Variants in SLC31A2 observed in about 807,000 individuals in gnomAD.
SLC31A2 encodes the protein protein SLC31A2.
SLC31A2 carries 16 observed loss-of-function variants against 14.4 expected under a neutral mutation model. The ratio of observed to expected loss-of-function variants is 1.11; its 90% CI spans 0.75 to 1.69. SLC31A2 has a LOEUF of 1.69. Among genes scored for constraint, SLC31A2 ranks in the 40% most tolerant of loss-of-function variants. SLC31A2 has a pLI of 0.00. For missense variants in SLC31A2, 140 were observed against 173.9 expected (o/e 0.81, Z 1.10); for synonymous variants, 56 against 68.7 (o/e 0.82, Z 0.91).
chr9:113,159,988 A>G (rs1790868550), intron 2 of SLC31A2, among the ~76,000 whole-genome samples: 1 of 152,152 alleles, frequency 6.6e-6, no homozygotes, highest in African/African-American at 2.4e-5. Context: ...CAGCCTGACC[A>G]ACATGGTCAA....
intron 1 of SLC31A2, among the ~76,000 whole-genome samples, chr9:113,155,734 A>G (rs1481999259): frequency 1.3e-5 from 2 of 151,940 alleles, no homozygotes; most frequent in African/African-American, 4.8e-5. Context: ...TACTTCTCCC[A>G]TGGAACACTT....
At chr9:113,156,067 A>G (rs1004959648) in intron 1 of SLC31A2, 3 of 518,810 alleles carry the variant, frequency 5.8e-6, no homozygotes, top group Non-Finnish European at 1.2e-5. Flanking sequence ...CCAGGAGGCT[A>G]CAGGACACCC....
At position 113,151,177 on chromosome 9, in the gene SLC31A2, C is replaced by A; in HGVS notation, c.6+97C>A. ...CCCCGAATCCTCGCTGCCGCTGGCC[C>A]GGGGCTGGTGAAGGGTGTGTTGGCA... On this transcript the variant is annotated intron_variant, in intron 1 of 3. Coordinates refer to ENST00000259392, the MANE Select transcript of SLC31A2 (RefSeq NM_001860.3). This position sits in a 1 kb window ranked among gnomAD's most constrained non-coding sequence, Gnocchi z 4.2. 1.7e-6 allele frequency: 2 copies of A among 1,206,324 alleles called. No homozygotes were observed. The highest frequency in any genetic ancestry group is 2.1e-6 in the Non-Finnish European group (2 of 946,682). The allele number at this position is 1,206,324 out of a possible 1,614,324, so 74.7% of individuals were successfully genotyped here. A position where few individuals can be genotyped will look rare whatever the true frequency, so the allele number is the denominator to read the frequency against.
chr9:113,161,038 C>T (rs1395355470), intron 2 of SLC31A2: 1 of 152,692 alleles, frequency 6.5e-6, no homozygotes, highest in African/African-American at 2.4e-5. Flanking sequence ...TGGGTTTTTC[C>T]CCTATTATAA....
At position 113,161,682 on chromosome 9, in the gene SLC31A2, G is replaced by A; in HGVS notation, c.247G>A (p.Gly83Ser). ...TGCAGGCTCAGATTCATTCCCTGTT[G>A]GCAGAACCCACCACAGGTACAGGCA... ...DSAGSDSFPV[G>S]RTHHRWYLCH... The change falls in exon 3 of 4, where the codon GGC becomes AGC. Residue 83 changes from glycine (G) to serine (S), a missense_variant. By Grantham distance (56) the Gly-to-Ser change is moderately conservative. Coordinates refer to ENST00000259392, the MANE Select transcript of SLC31A2 (RefSeq NM_001860.3). 2.5e-6 allele frequency: 4 copies of A among 1,613,962 alleles called. No homozygotes were observed. Among genetic ancestry groups the A allele is most frequent in the Non-Finnish European group, 3.4e-6 (4 of 1,179,884 alleles).
At chr9:113,158,540 C>T (rs140956610) in intron 2 of SLC31A2, among the ~76,000 whole-genome samples, 9 of 152,248 alleles carry the variant, frequency 5.9e-5, no homozygotes, top group Non-Finnish European at 1.0e-4. Flanking sequence ...CAAACAGTGG[C>T]TGGAAGTAGG....
intron 1 of SLC31A2, among the ~76,000 whole-genome samples, chr9:113,155,247 G>C (rs890759702): frequency 5.3e-5 from 8 of 152,186 alleles, no homozygotes; most frequent in African/African-American, 1.7e-4. Context: ...TGTCACAGCT[G>C]CCCCTTGGAC....
intron 2 of SLC31A2, among the ~76,000 whole-genome samples, chr9:113,160,574 A>T (rs914196330): frequency 2.0e-5 from 3 of 152,224 alleles, no homozygotes; most frequent in Non-Finnish European, 2.9e-5. Flanking sequence ...CGAATACAAC[A>T]ACTTATTCCT....
At chr9:113,156,902 C>G (rs1381440500) in intron 1 of SLC31A2, among the ~76,000 whole-genome samples, 1 of 152,226 alleles carries the variant, frequency 6.6e-6, no homozygotes, top group Non-Finnish European at 1.5e-5. Context: ...TGCCAACTTA[C>G]TAGCTTTGTG....
chr9:113,154,779 CTT>C (rs1483947754), intron 1 of SLC31A2, among the ~76,000 whole-genome samples: 3 of 152,238 alleles, frequency 2.0e-5, no homozygotes, highest in Admixed American at 2.0e-4. Context: ...ACCCTATCCT[CTT>C]TGCCTTTTCA....
At chr9:113,155,929 A>C (rs1829928282) in intron 1 of SLC31A2, 1 of 412,546 alleles carries the variant, frequency 2.4e-6, no homozygotes, top group South Asian at 1.8e-5. Context: ...TCCTGGACTC[A>C]GACTACTATT....
At position 113,151,574 on chromosome 9, in the gene SLC31A2, CAG is replaced by C. The variant is rs1402650477; in HGVS notation, c.6+496_6+497del. On this transcript the variant is annotated intron_variant, in intron 1 of 3. Coordinates refer to ENST00000259392, the MANE Select transcript of SLC31A2 (RefSeq NM_001860.3). This position sits in a 1 kb window ranked among gnomAD's most constrained non-coding sequence, Gnocchi z 4.2. ...TAGCCTGATTCTTCGGGGAATAAAA[CAG>C]AACCAGCTACTTTCCAGCTTCCCTA... The C allele has an allele frequency of 6.4e-6, 1 of 155,770 alleles. No homozygotes were observed. The highest frequency in any genetic ancestry group is 1.4e-5 in the Non-Finnish European group (1 of 70,562). 9.6% of individuals were successfully genotyped at this position (155,770 alleles called of 1,614,324 possible).
At chr9:113,157,026 TAGAA>T (rs1285831213) in intron 1 of SLC31A2, among the ~76,000 whole-genome samples, 3 of 152,096 alleles carry the variant, frequency 2.0e-5, no homozygotes, top group Non-Finnish European at 4.4e-5. Flanking sequence ...TGAGATGATG[TAGAA>T]AAAGCCCTTG....
rs749762361 is a variant in SLC31A2 at position 113,161,689 on chromosome 9, C to G, written c.254C>G (p.Thr85Ser). The G allele has an allele frequency of 5.0e-6, 8 of 1,613,918 alleles. No homozygotes were observed. The highest frequency in any genetic ancestry group is 6.8e-6 in the Non-Finnish European group (8 of 1,179,858). ...TCAGATTCATTCCCTGTTGGCAGAA[C>G]CCACCACAGGTACAGGCAGTGGGTA... ...AGSDSFPVGR[T>S]HHRWYLCHFG... Residue 85 changes from threonine (T) to serine (S), a missense_variant, in exon 3 of 4, where the codon ACC (threonine) becomes AGC (serine). Physicochemically the swap from Thr to Ser is moderately conservative, Grantham distance 58. Transcript: ENST00000259392.
chr9:113,152,024 G>A lies in SLC31A2; in HGVS notation c.6+944G>A, dbSNP rs1332674588. 11 of 152,328 alleles carry A rather than the reference G, an allele frequency of 7.2e-5. No individual in the cohort carries two copies. The East Asian group carries it at 2.1e-3, about 29-fold the overall frequency. The allele number at this position is 152,328 out of a possible 1,614,324, so 9.4% of individuals were successfully genotyped here. ...AAATGATCAGCCGTCCTTTAAAAAGGGAAATAGATGGAAAGCACTTGCAAA... is the reference window on the plus strand; with the variant it reads ...AAATGATCAGCCGTCCTTTAAAAAGAGAAATAGATGGAAAGCACTTGCAAA... On this transcript the variant is annotated intron_variant, in intron 1 of 3. Transcript: ENST00000259392.
In SLC31A2 at chr9:113,151,027, G is replaced by C. The variant is rs1164763361; in HGVS notation, c.-48G>C. ...CGGTTGAACTGACTCGGAGCGAGGA[G>C]ACCCGAGCGAGCAGACGCGGCCCTG... On this transcript the variant is annotated 5_prime_UTR_variant, in exon 1 of 4. Coordinates refer to ENST00000259392, the MANE Select transcript of SLC31A2 (RefSeq NM_001860.3). This position sits in a 1 kb window ranked among gnomAD's most constrained non-coding sequence, Gnocchi z 4.2. 6.9e-6 allele frequency: 9 copies of C among 1,297,324 alleles called. No homozygotes were observed. Among genetic ancestry groups the C allele is most frequent in the Non-Finnish European group, 7.9e-6 (8 of 1,017,328 alleles). 80.4% of individuals were successfully genotyped at this position (1,297,324 alleles called of 1,614,324 possible).
chr9:113,156,555 C>T (rs1829936515), intron 1 of SLC31A2, among the ~76,000 whole-genome samples: 1 of 152,210 alleles, frequency 6.6e-6, no homozygotes, highest in South Asian at 2.1e-4. Flanking sequence ...TAATATTTGG[C>T]CATTGTCTTA....
intron 2 of SLC31A2, among the ~76,000 whole-genome samples, chr9:113,160,700 G>A (rs1587942049): frequency 6.6e-6 from 1 of 152,118 alleles, no homozygotes; most frequent in East Asian, 1.9e-4. Context: ...TCCTTCCAGA[G>A]GTAGGGAGTG....
intron 2 of SLC31A2, chr9:113,158,020 A>C: frequency 1.6e-6 from 1 of 622,652 alleles, no homozygotes; most frequent in East Asian, 3.6e-5. Context: ...AGAGGCAGGG[A>C]GGCAGCTTTT....
Sources: gnomAD v4.1 joint callset for allele counts (sites outside exome capture counted in the v4.1 genomes callset) on GRCh38, gnomAD v4.1.1 for gene constraint, Gnocchi (gnomAD v3.1) non-coding constraint, MANE v1.5 for transcripts, NCBI Gene and HGNC (gene_info 2026-07-23, HGNC 2026-07-21) for gene names.